The following FOXN3 variants were observed in gnomAD, a reference collection of about 807,000 sequenced individuals.
FOXN3 encodes the protein forkhead box protein N3.
Under a neutral mutation model 38.4 loss-of-function variants are expected in FOXN3, and 7 were observed. That is an observed-to-expected ratio of 0.18 (90% CI 0.10 to 0.34). FOXN3 has a LOEUF of 0.34. Among genes scored for constraint, FOXN3 ranks in the 10% least tolerant of loss-of-function variants. The pLI is 1.00. For synonymous variants in FOXN3, 230 were observed against 242.2 expected (o/e 0.95, Z 0.47); for missense variants, 456 against 613.4 (o/e 0.74, Z 2.71).
chr14:89,531,731 T>G (rs12433442), intron 1 of FOXN3, among the ~76,000 whole-genome samples: 2,204 of 152,342 alleles, frequency 0.014, 42 homozygotes, highest in African/African-American at 0.051. Flanking sequence ...AGGTGATGCA[T>G]CAGCAAAGTA....
intron 1 of FOXN3, among the ~76,000 whole-genome samples, chr14:89,520,758 T>C (rs534514147): frequency 2.0e-5 from 3 of 152,032 alleles, no homozygotes; most frequent in Admixed American, 6.5e-5. Context: ...CCAAAGTAAC[T>C]AGACATATAA....
intron 4 of FOXN3, among the ~76,000 whole-genome samples, chr14:89,273,846 C>T (rs2139907829): frequency 6.6e-6 from 1 of 152,312 alleles, no homozygotes; most frequent in South Asian, 2.1e-4. Context: ...TAAAGGGCCC[C>T]TCCTTGAAAC....
At chr14:89,211,161 G>A (rs1053243668) in intron 4 of FOXN3, among the ~76,000 whole-genome samples, 1 of 152,162 alleles carries the variant, frequency 6.6e-6, no homozygotes, top group Admixed American at 6.5e-5. Context: ...CACTCTACAC[G>A]TTTCACTGTG....
chr14:89,482,927 A>T (rs1282231715), intron 1 of FOXN3, among the ~76,000 whole-genome samples: 1 of 136,500 alleles, frequency 7.3e-6, no homozygotes, highest in East Asian at 2.2e-4. Flanking sequence ...AAAAGAATGG[A>T]GCCAGTGCAG....
intron 2 of FOXN3, chr14:89,355,078 C>T (rs1195047572): frequency 6.6e-6 from 1 of 150,674 alleles, no homozygotes; most frequent in African/African-American, 2.4e-5. Flanking sequence ...GCCCAAGTTT[C>T]TTTTAAAATT....
In FOXN3 at chr14:89,603,054, C is replaced by T. The variant is rs138698758; in HGVS notation, c.-15+15974G>A. On this transcript the variant is annotated intron_variant, in intron 1 of 6. Transcript: ENST00000345097. ...CTTCTTCCTGGGCAAACACCTAGAC[C>T]ACCTTCCCAGCAATCCCCCTTGCAG... Among the ~76,000 whole-genome samples, 440 of 152,166 alleles carry T rather than the reference C, an allele frequency of 2.9e-3. 3 individuals carry two copies. The highest frequency in any genetic ancestry group is 9.9e-3 in the African/African-American group (410 of 41,492).
intron 4 of FOXN3, among the ~76,000 whole-genome samples, chr14:89,241,450 C>T (rs774734203): frequency 7.9e-5 from 12 of 152,138 alleles, no homozygotes; most frequent in South Asian, 2.1e-4. Flanking sequence ...GACAGACACA[C>T]GTGGGTTCTG....
chr14:89,401,720 T>C, intron 2 of FOXN3: 2 of 453,418 alleles, frequency 4.4e-6, no homozygotes, highest in Non-Finnish European at 4.4e-6. Flanking sequence ...GTGTTTTCTG[T>C]CTAATGACAT....
In FOXN3 at chr14:89,273,332, C is replaced by T. The variant is rs548775070; in HGVS notation, c.745+7618G>A. On this transcript the variant is annotated intron_variant, in intron 4 of 5. Transcript: ENST00000557258. ...CAGCAGGGACCTGGCCTGGAGGAAG[C>T]TCTTAATAAAGGCCCTCGATTTCCT... is the stretch of plus-strand genomic sequence containing the variant. Among the ~76,000 whole-genome samples the T allele has an allele frequency of 3.9e-5, 6 of 152,364 alleles. No individual in the cohort carries two copies. In the East Asian group the frequency reaches 9.6e-4, roughly 24 times the overall value.
chr14:89,367,432 A>C (rs1468696552), intron 2 of FOXN3, among the ~76,000 whole-genome samples: 1 of 152,212 alleles, frequency 6.6e-6, no homozygotes, highest in Non-Finnish European at 1.5e-5. Context: ...AGCTGCAGGG[A>C]CCAAATAACA....
intron 1 of FOXN3, among the ~76,000 whole-genome samples, chr14:89,495,891 C>A (rs1183360142): frequency 6.6e-6 from 1 of 152,176 alleles, no homozygotes; most frequent in East Asian, 1.9e-4. Flanking sequence ...CTTAGGTCAC[C>A]TGATCCGATG....
At chr14:89,305,006 T>A (rs1181901842) in intron 3 of FOXN3, among the ~76,000 whole-genome samples, 1 of 152,000 alleles carries the variant, frequency 6.6e-6, no homozygotes, top group Non-Finnish European at 1.5e-5. Context: ...TTCTTAATTC[T>A]ATGTGGCCAA....
intron 1 of FOXN3, among the ~76,000 whole-genome samples, chr14:89,579,389 C>A (rs1173323381): frequency 2.0e-5 from 3 of 152,032 alleles, no homozygotes; most frequent in Admixed American, 6.6e-5. Flanking sequence ...CTCCTGGCCT[C>A]AAGTGATCCT....
At chr14:89,300,189 T>TC (rs1481479444) in intron 3 of FOXN3, among the ~76,000 whole-genome samples, 1 of 150,258 alleles carries the variant, frequency 6.7e-6, no homozygotes, top group African/African-American at 2.5e-5. Context: ...ACTTTTTTTT[T>TC]TTTTTTTTTT....
intron 4 of FOXN3, chr14:89,264,064 AAAAG>A (rs72030662): frequency 0.19 from 28,586 of 152,054 alleles, 2,697 homozygotes; most frequent in East Asian, 0.3. Context: ...ATCTCAAAAA[AAAAG>A]AAAGAAAGAA....
At chr14:89,431,638 C>T (rs1298232830) in intron 1 of FOXN3, among the ~76,000 whole-genome samples, 2 of 152,060 alleles carry the variant, frequency 1.3e-5, no homozygotes, top group African/African-American at 4.8e-5. Context: ...TTTTTTAGAG[C>T]AGTTTAAGGT....
chr14:89,357,227 C>A (rs2140019740), intron 2 of FOXN3, among the ~76,000 whole-genome samples: 1 of 152,264 alleles, frequency 6.6e-6, no homozygotes, highest in African/African-American at 2.4e-5. Context: ...GCTGCTTGAG[C>A]CCAGGAGTTG....
chr14:89,231,087 C>A (rs970481668), intron 4 of FOXN3, among the ~76,000 whole-genome samples: 2 of 152,016 alleles, frequency 1.3e-5, no homozygotes, highest in Non-Finnish European at 2.9e-5. Flanking sequence ...AGCATGCCTG[C>A]CTAATTTTTT....
chr14:89,247,737 TA>T (rs1885338453), intron 4 of FOXN3, among the ~76,000 whole-genome samples: 1 of 152,192 alleles, frequency 6.6e-6, no homozygotes, highest in African/African-American at 2.4e-5. Context: ...GTCATCTTTA[TA>T]AAAAGTACAC....
Sources: gnomAD v4.1 joint callset for allele counts (sites outside exome capture counted in the v4.1 genomes callset) on GRCh38, gnomAD v4.1.1 for gene constraint, MANE v1.5 for transcripts, NCBI Gene and HGNC (gene_info 2026-07-23, HGNC 2026-07-21) for gene names.